GNG7: variants seen among roughly 807,000 people sequenced by gnomAD.
GNG7 encodes the protein guanine nucleotide-binding protein G(I)/G(S)/G(O) subunit gamma-7.
Under a neutral mutation model 4.0 loss-of-function variants are expected in GNG7, and 1 was observed. That is an observed-to-expected ratio of 0.25 (90% confidence interval 0.09 to 1.18). The LOEUF is 1.18. Ranked by LOEUF, GNG7 falls within the 50% of genes most tolerant of loss-of-function variation. GNG7 has a pLI of 0.50. For synonymous variants in GNG7, 34 were observed against 36.9 expected, an observed-to-expected ratio of 0.92 and a Z score of 0.29; for missense variants, 86 against 91.9, an observed-to-expected ratio of 0.94 and a Z score of 0.26.
In GNG7 at chr19:2,633,514, C is replaced by T. The variant is rs536143300; in HGVS notation, c.-78+12710G>A. Among the ~76,000 whole-genome samples the T allele has an allele frequency of 7.7e-4, 115 of 149,430 alleles. No homozygotes were observed. In the South Asian group the frequency reaches 0.025, roughly 32 times the overall value. On this transcript the variant is annotated intron_variant, in intron 2 of 4. Coordinates refer to ENST00000382159, the MANE Select transcript of GNG7 (RefSeq NM_052847.3). This position sits in a 1 kb window ranked among gnomAD's most constrained non-coding sequence, Gnocchi z 5.9. ...ACACACACACACACACACACACACA[C>T]ACACACACACGAGAGGTGGCTGTGG... is the stretch of plus-strand genomic sequence containing the variant.
chr19:2,557,880 C>T lies in GNG7; in HGVS notation c.-77-2692G>A, dbSNP rs1463150999. Among the ~76,000 whole-genome samples, 3 of 152,208 alleles carry T rather than the reference C, an allele frequency of 2.0e-5. No individual in the cohort carries two copies. Among genetic ancestry groups the T allele is most frequent in the African/African-American group, 4.8e-5 (2 of 41,524 alleles). ...TCTTTGAGACAGAGTCTCACTCTGT[C>T]GCCCAGGCTGGACTGCAGTAGTGCG... On this transcript the variant is annotated intron_variant, in intron 2 of 4. Transcript: ENST00000382159. This position sits in a 1 kb window ranked among gnomAD's most constrained non-coding sequence, Gnocchi z 5.1.
In GNG7 at chr19:2,609,928, G is replaced by A. The variant is rs1254035597; in HGVS notation, c.-78+36296C>T. ...AACGGTACAGGAAAAGCAGGAGAGC[G>A]TGCACCTTAAACGGCCAAGGTCCGT... On this transcript the variant is annotated intron_variant, in intron 2 of 4. Transcript: ENST00000382159. The surrounding 1 kb of genome is among the most constrained non-coding windows in gnomAD (Gnocchi z 4.4). Among the ~76,000 whole-genome samples, 3 of 152,144 alleles carry A rather than the reference G, an allele frequency of 2.0e-5. No homozygotes were observed. Among genetic ancestry groups the A allele is most frequent in the East Asian group, 1.9e-4 (1 of 5,160 alleles).
In GNG7 at chr19:2,547,069, C is replaced by T. The variant is rs544646247; in HGVS notation, c.-38+8080G>A. ...CTCAGCACAGGTGGGTCTTTCTCCA[C>T]GCATGCCCCCCCCCCAGAAAACTCC... On this transcript the variant is annotated intron_variant, in intron 3 of 4. Coordinates refer to ENST00000382159, the MANE Select transcript of GNG7 (RefSeq NM_052847.3). 9.4e-5 allele frequency among the ~76,000 whole-genome samples: 14 copies of T among 148,768 alleles called. 1 individual carries two copies. In the South Asian group the frequency reaches 1.1e-3, roughly 12 times the overall value.
At chr19:2,700,148 C>G (rs917908799) in intron 1 of GNG7, among the ~76,000 whole-genome samples, 1 of 134,124 alleles carries the variant, frequency 7.5e-6, no homozygotes, top group Non-Finnish European at 1.6e-5. Context: ...TTTTTTTTTC[C>G]TTTATTTTTT....
chr19:2,540,033 T>TCTCC (rs202078663), intron 3 of GNG7, among the ~76,000 whole-genome samples: 135 of 130,088 alleles, frequency 1.0e-3, no homozygotes, highest in Middle Eastern at 3.8e-3. Context: ...TCTCTCTGGC[T>TCTCC]CTCCCTCCCT....
intron 1 of GNG7, among the ~76,000 whole-genome samples, chr19:2,682,814 C>T (rs1983774672): frequency 6.6e-6 from 1 of 151,954 alleles, no homozygotes; most frequent in African/African-American, 2.4e-5. Context: ...AGGGGTTGCT[C>T]TGGGGGTAAC....
chr19:2,521,246 A>G (rs1200179413), intron 3 of GNG7, among the ~76,000 whole-genome samples: 1 of 151,896 alleles, frequency 6.6e-6, no homozygotes, highest in Non-Finnish European at 1.5e-5. Context: ...AGCCTGGACG[A>G]CAGAGCAAGA....
chr19:2,573,968 G>A (rs1199396140), intron 2 of GNG7, among the ~76,000 whole-genome samples: 1 of 152,228 alleles, frequency 6.6e-6, no homozygotes, highest in Admixed American at 6.5e-5. Flanking sequence ...TACCGTGGGT[G>A]CCACGGACCA....
chr19:2,589,850 C>T (rs1980787506), intron 2 of GNG7, among the ~76,000 whole-genome samples: 1 of 152,082 alleles, frequency 6.6e-6, no homozygotes, highest in South Asian at 2.1e-4. Context: ...CTCGCTCTGT[C>T]GCCCAGGCTG....
At chr19:2,580,846 C>A (rs998160893) in intron 2 of GNG7, among the ~76,000 whole-genome samples, 1 of 151,974 alleles carries the variant, frequency 6.6e-6, no homozygotes, top group Non-Finnish European at 1.5e-5. Context: ...CTCACTGCAA[C>A]CTCCCCCTCC....
At chr19:2,673,103 A>C (rs890554511) in intron 1 of GNG7, among the ~76,000 whole-genome samples, 1 of 151,716 alleles carries the variant, frequency 6.6e-6, no homozygotes, top group African/African-American at 2.4e-5. Flanking sequence ...AAACAATACA[A>C]AAAATTAGCT....
intron 2 of GNG7, among the ~76,000 whole-genome samples, chr19:2,558,034 G>T (rs1408972529): frequency 1.3e-5 from 2 of 151,866 alleles, no homozygotes; most frequent in South Asian, 4.2e-4. Flanking sequence ...GTAGAGAGGG[G>T]GTTTCACCGT....
At chr19:2,585,907 G>A (rs919385403) in intron 2 of GNG7, among the ~76,000 whole-genome samples, 1 of 152,046 alleles carries the variant, frequency 6.6e-6, no homozygotes, top group Non-Finnish European at 1.5e-5. Context: ...TCACCATGTT[G>A]GCCAGGATGG....
At chr19:2,694,237 G>C (rs77363668) in intron 1 of GNG7, among the ~76,000 whole-genome samples, 2 of 134,450 alleles carry the variant, frequency 1.5e-5, no homozygotes, top group African/African-American at 6.2e-5. Flanking sequence ...GCTTTTTTTT[G>C]GGGGGGGGCA....
chr19:2,539,436 C>G (rs1019633963), intron 3 of GNG7, among the ~76,000 whole-genome samples: 6 of 151,880 alleles, frequency 4.0e-5, no homozygotes, highest in African/African-American at 7.3e-5. Context: ...TCCCGAGCAG[C>G]TGGGATTACA....
intron 2 of GNG7, among the ~76,000 whole-genome samples, chr19:2,555,988 C>T (rs777489957): frequency 6.6e-6 from 1 of 152,192 alleles, no homozygotes; most frequent in Non-Finnish European, 1.5e-5. Context: ...CGTGGTCTTT[C>T]CTGACTCCCA....
intron 3 of GNG7, among the ~76,000 whole-genome samples, chr19:2,552,019 A>G (rs62121717): frequency 0.28 from 41,962 of 151,998 alleles, 6,023 homozygotes; most frequent in East Asian, 0.47. Context: ...CAACGCTTGC[A>G]TTCCCGCCTG....
chr19:2,520,579 C>A (rs936756315), intron 4 of GNG7, 29 bp downstream of exon 4: 2 of 1,369,176 alleles, frequency 1.5e-6, no homozygotes, highest in Non-Finnish European at 2.0e-6. Flanking sequence ...GGTCTCTCCC[C>A]TCCTCTTCCT....
At chr19:2,647,777 C>A (rs1004895260) in intron 1 of GNG7, among the ~76,000 whole-genome samples, 5 of 151,970 alleles carry the variant, frequency 3.3e-5, no homozygotes, top group Non-Finnish European at 7.4e-5. Flanking sequence ...CCTGTAATCC[C>A]ATCACTTTGG....
Sources: gnomAD v4.1 joint callset for allele counts (sites outside exome capture counted in the v4.1 genomes callset) on GRCh38, gnomAD v4.1.1 for gene constraint, Gnocchi (gnomAD v3.1) non-coding constraint, MANE v1.5 for transcripts, NCBI Gene and HGNC (gene_info 2026-07-23, HGNC 2026-07-21) for gene names.